CLTA: variants seen among roughly 807,000 people sequenced by gnomAD.
CLTA encodes the protein clathrin, light polypeptide (Lca).
Under a neutral mutation model 26.9 loss-of-function variants are expected in CLTA, and 9 were observed. The ratio of observed to expected loss-of-function variants is 0.33; its 90% CI spans 0.20 to 0.58. The LOEUF is 0.58. Among genes scored for constraint, CLTA ranks in the 20% least tolerant of loss-of-function variants. The pLI is 0.85. For synonymous variants in CLTA, 120 were observed against 115.5 expected, an observed-to-expected ratio of 1.04 and a Z score of -0.25; for missense variants, 278 against 294.2, an observed-to-expected ratio of 0.94 and a Z score of 0.40.
At chr9:36,193,436 G>A (rs1348314248) in intron 1 of CLTA, among the ~76,000 whole-genome samples, 1 of 151,688 alleles carries the variant, frequency 6.6e-6, no homozygotes, top group Admixed American at 6.6e-5. Flanking sequence ...ACCACTGCCC[G>A]GCCTCAGTTT....
chr9:36,194,068 C>T (rs1461513302), intron 1 of CLTA, among the ~76,000 whole-genome samples: 1 of 152,216 alleles, frequency 6.6e-6, no homozygotes, highest in East Asian at 1.9e-4. Flanking sequence ...CTCTGTCACC[C>T]AGGCTGGAGT....
rs1382606146 is a variant in CLTA at position 36,204,112 on chromosome 9, A to G, written c.418A>G (p.Ile140Val). 4.3e-6 allele frequency: 7 copies of G among 1,614,098 alleles called. No homozygotes were observed. Among genetic ancestry groups the G allele is most frequent in the Admixed American group, 1.7e-5 (1 of 60,004 alleles). The change falls in exon 4 of 5, where the codon ATA becomes GTA. Residue 140 changes from isoleucine to valine, a missense_variant. Transcript: ENST00000345519. ...KQEAEWKEKA[I>V]KELEEWYARQ... ...AGAAGCAGAGTGGAAAGAAAAGGCA[A>G]TAAAGGAGCTAGAAGAATGGTATGC...
At chr9:36,209,050 C>G (rs1415073779) in intron 4 of CLTA, among the ~76,000 whole-genome samples, 1 of 152,220 alleles carries the variant, frequency 6.6e-6, no homozygotes, top group Non-Finnish European at 1.5e-5. Flanking sequence ...AGTGCTTGCT[C>G]TGTCGTGGAG....
At chr9:36,206,787 CG>C (rs1387898890) in intron 4 of CLTA, among the ~76,000 whole-genome samples, 3 of 151,854 alleles carry the variant, frequency 2.0e-5, no homozygotes, top group African/African-American at 7.3e-5. Flanking sequence ...CCCAGCAACT[CG>C]GGAGTCTGAG....
intron 2 of CLTA, among the ~76,000 whole-genome samples, chr9:36,197,952 A>G (rs1206819707): frequency 6.7e-6 from 1 of 148,964 alleles, no homozygotes; most frequent in African/African-American, 2.5e-5. Context: ...TAGTTCAGTG[A>G]GTGGCATATG....
chr9:36,194,171 G>C (rs746302981), intron 1 of CLTA, among the ~76,000 whole-genome samples: 1 of 152,080 alleles, frequency 6.6e-6, no homozygotes, highest in African/African-American at 2.4e-5. Flanking sequence ...GATTACAGGC[G>C]CCCACCACCG....
chr9:36,199,062 G>T lies in CLTA; in HGVS notation c.339G>T (p.Trp113Cys), dbSNP rs1315155077. Residue 113 changes from tryptophan to cysteine, a missense_variant, in exon 3 of 5, where the codon TGG becomes TGT. Coordinates refer to ENST00000345519, the MANE Select transcript of CLTA (RefSeq NM_001833.4). ...CAGAGCCTGAAAGTATCCGTAAATG[G>T]AGAGAAGAACAAATGGAACGCTTGG... is the stretch of plus-strand genomic sequence containing the variant. Reference protein sequence around the residue: ...LQSEPESIRKWREEQMERLEA... With the variant: ...LQSEPESIRKCREEQMERLEA... The T allele has an allele frequency of 1.2e-6, 2 of 1,613,800 alleles. No individual in the cohort carries two copies.
At chr9:36,197,997 C>CTTTTTTTTTTTTTTTTTTTTTTTTTTT (rs11308341) in intron 2 of CLTA, among the ~76,000 whole-genome samples, 1 of 104,246 alleles carries the variant, frequency 9.6e-6, no homozygotes, top group Non-Finnish European at 1.9e-5. Context: ...TTATTTGAGT[C>CTTTTTTTTTTTTTTTTTTTTTTTTTTT]TTTTTTTTTT....
intron 4 of CLTA, among the ~76,000 whole-genome samples, chr9:36,208,950 C>T (rs187337674): frequency 6.6e-6 from 1 of 152,298 alleles, no homozygotes; most frequent in Admixed American, 6.5e-5. Context: ...AGGATTGAAT[C>T]AACATAATGT....
intron 1 of CLTA, among the ~76,000 whole-genome samples, chr9:36,196,341 TC>T (rs1211883684): frequency 1.5e-5 from 2 of 136,336 alleles, no homozygotes; most frequent in African/African-American, 6.4e-5. Context: ...CTTTCTTTTT[TC>T]TTTTTTTTTT....
chr9:36,209,062 A>C (rs1196369356), intron 4 of CLTA, among the ~76,000 whole-genome samples: 1 of 152,234 alleles, frequency 6.6e-6, no homozygotes, highest in East Asian at 1.9e-4. Flanking sequence ...GTCGTGGAGC[A>C]GTCCCCACGT....
chr9:36,207,930 ACT>A (rs1166233138), intron 4 of CLTA, among the ~76,000 whole-genome samples: 2 of 151,708 alleles, frequency 1.3e-5, no homozygotes, highest in South Asian at 2.1e-4. Context: ...CCCACAAACA[ACT>A]CTGTTTTCCT....
At position 36,191,218 on chromosome 9, in the gene CLTA, C is replaced by T. The variant is rs1159458803; in HGVS notation, c.162C>T (p.Ile54=). 7 of 1,554,632 alleles carry T rather than the reference C, an allele frequency of 4.5e-6. No individual in the cohort carries two copies. The highest frequency in any genetic ancestry group is 2.4e-5 in the East Asian group (1 of 40,974). The change falls in exon 1 of 5, where the codon ATC becomes ATT. Residue 54 remains isoleucine (I), a synonymous_variant. Coordinates refer to ENST00000345519, the MANE Select transcript of CLTA (RefSeq NM_001833.4). ...TCGAGAACGACGAGGCCTTCGCCAT[C>T]CTGGACGGCGGCGCCCCCGGGCCCC... ...AGIENDEAFA[I]LDGGAPGPQP... is the part of the protein sequence containing the mutation.
intron 4 of CLTA, among the ~76,000 whole-genome samples, chr9:36,206,762 G>T (rs892434343): frequency 6.6e-6 from 1 of 152,162 alleles, no homozygotes; most frequent in Admixed American, 6.5e-5. Context: ...GGGTGTGGTG[G>T]TGTGTGCCTG....
intron 3 of CLTA, among the ~76,000 whole-genome samples, chr9:36,199,563 C>T (rs1827281550): frequency 6.6e-6 from 1 of 151,290 alleles, no homozygotes. Flanking sequence ...CATTCTCCTG[C>T]CCTCAGCCTC....
intron 2 of CLTA, 89 bp from the exon 3 acceptor site, chr9:36,198,890 A>AC (rs916659382): frequency 1.2e-6 from 1 of 858,154 alleles, no homozygotes; most frequent in African/African-American, 1.7e-5. Context: ...AAAAAAAAAA[A>AC]AACAGAACCA....
Position 36,211,900 on chromosome 9 carries a change from A to G in CLTA, c.*126A>G, listed in dbSNP as rs934647403. On this transcript the variant is annotated 3_prime_UTR_variant, in exon 5 of 5. Transcript: ENST00000345519. ...AACCTTTTTGTCTTTAGAGTTGTTCATTGTTTGTGATTGCATGTTTCCTTC... is the reference window on the plus strand; with the variant it reads ...AACCTTTTTGTCTTTAGAGTTGTTCGTTGTTTGTGATTGCATGTTTCCTTC... 3.3e-5 allele frequency: 25 copies of G among 766,190 alleles called. No homozygotes were observed. The highest frequency in any genetic ancestry group is 8.6e-6 in the Non-Finnish European group (4 of 466,746). 47.5% of individuals were successfully genotyped at this position (766,190 alleles called of 1,614,324 possible). A position where few individuals can be genotyped will look rare whatever the true frequency, so the allele number is the denominator to read the frequency against.
intron 2 of CLTA, 144 bp downstream of exon 2, chr9:36,197,732 A>G (rs1827137187): frequency 1.6e-6 from 1 of 634,610 alleles, no homozygotes; most frequent in Non-Finnish European, 2.8e-6. Flanking sequence ...ACCAAAGTGG[A>G]AAGATTTAAA....
In CLTA at chr9:36,191,033, G is replaced by T; in HGVS notation, c.-24G>T. 2 of 1,513,596 alleles carry T rather than the reference G, an allele frequency of 1.3e-6. No homozygotes were observed. The highest frequency in any genetic ancestry group is 1.8e-6 in the Non-Finnish European group (2 of 1,142,826). The allele number at this position is 1,513,596 out of a possible 1,614,324, so 93.8% of individuals were successfully genotyped here. ...GGTTGGTTTTTGTCTCACCGTTGGT[G>T]TCCGTGCCGTTCAGTTGCCCGCCAT... On this transcript the variant is annotated 5_prime_UTR_variant, in exon 1 of 5. Coordinates refer to ENST00000345519, the MANE Select transcript of CLTA (RefSeq NM_001833.4).
Sources: allele counts gnomAD v4.1 joint callset (sites outside exome capture counted in the v4.1 genomes callset), GRCh38; gene constraint gnomAD v4.1.1; transcripts MANE v1.5; gene names NCBI Gene and HGNC (gene_info 2026-07-23, HGNC 2026-07-21).